Variants in DIPK1A observed in about 807,000 individuals in gnomAD.
DIPK1A encodes the protein divergent protein kinase domain 1A, also known as family with sequence similarity 69 member A.
In DIPK1A, 27 loss-of-function variants were observed where a neutral mutation model predicts 40.8. That is an observed-to-expected ratio of 0.66 (90% confidence interval 0.49 to 0.91). DIPK1A has a LOEUF of 0.91. Ranked by LOEUF, DIPK1A falls within the 40% of genes least tolerant of loss-of-function variation. The probability of loss-of-function intolerance (pLI) is 0.00; values close to 1 mark genes in which losing one functional copy is unlikely to be tolerated. For missense variants in DIPK1A, 412 were observed against 505.7 expected, an observed-to-expected ratio of 0.81 and a Z score of 1.78; for synonymous variants, 166 against 171.3, an observed-to-expected ratio of 0.97 and a Z score of 0.24.
At chr1:92,890,748 T>C (rs985120816) in intron 1 of DIPK1A, among the ~76,000 whole-genome samples, 5 of 152,208 alleles carry the variant, frequency 3.3e-5, no homozygotes, top group Admixed American at 3.3e-4. Flanking sequence ...TACATCTATG[T>C]TCATCAGGTA....
chr1:92,937,729 C>T (rs1270773155), intron 1 of DIPK1A, among the ~76,000 whole-genome samples: 3 of 152,074 alleles, frequency 2.0e-5, no homozygotes, highest in Non-Finnish European at 4.4e-5. Context: ...TAACTGACTG[C>T]AGATCTAGCA....
At chr1:92,939,637 C>T (rs1651075721) in intron 1 of DIPK1A, among the ~76,000 whole-genome samples, 1 of 152,076 alleles carries the variant, frequency 6.6e-6, no homozygotes, top group Non-Finnish European at 1.5e-5. Context: ...TCTCTGTCAA[C>T]TAAAAAATGA....
intron 1 of DIPK1A, among the ~76,000 whole-genome samples, chr1:92,959,913 T>TTTTTTTTTTTTTTTTTTTTTTTTTTA (rs1652002245): frequency 8.9e-6 from 1 of 111,880 alleles, no homozygotes; most frequent in Non-Finnish European, 1.9e-5. Flanking sequence ...CTTTTTTTTT[T>TTTTTTTTTTTTTTTTTTTTTTTTTTA]TTTTTTTTTT....
downstream of DIPK1A, among the ~76,000 whole-genome samples, chr1:92,841,506 T>A (rs1687361518): frequency 6.6e-6 from 1 of 152,184 alleles, no homozygotes. Context: ...GGCAAATACC[T>A]AGAAGTGGTA....
chr1:92,951,246 A>G (rs1000241099), intron 1 of DIPK1A, among the ~76,000 whole-genome samples: 1 of 152,222 alleles, frequency 6.6e-6, no homozygotes, highest in Non-Finnish European at 1.5e-5. Flanking sequence ...GACTCCACCC[A>G]TAGTTGCTGG....
At chr1:92,948,871 C>G (rs560658283) in intron 1 of DIPK1A, among the ~76,000 whole-genome samples, 2 of 150,624 alleles carry the variant, frequency 1.3e-5, no homozygotes, top group East Asian at 3.9e-4. Context: ...ATGGTGCGAT[C>G]TTGGCTCACT....
intron 1 of DIPK1A, among the ~76,000 whole-genome samples, chr1:92,922,658 A>G (rs1312612223): frequency 6.6e-6 from 1 of 152,124 alleles, no homozygotes; most frequent in Non-Finnish European, 1.5e-5. Flanking sequence ...CATAAATCCT[A>G]TTCTTAAGTT....
chr1:92,848,885 G>A (rs985684794), intron 3 of DIPK1A, among the ~76,000 whole-genome samples: 1 of 152,046 alleles, frequency 6.6e-6, no homozygotes, highest in Non-Finnish European at 1.5e-5. Context: ...ATTTATATAG[G>A]AAAATTTAGG....
intron 2 of DIPK1A, among the ~76,000 whole-genome samples, chr1:92,855,067 G>T (rs1228073745): frequency 6.7e-6 from 1 of 148,548 alleles, no homozygotes; most frequent in Non-Finnish European, 1.5e-5. Flanking sequence ...CAAAAGAAAA[G>T]AGAAAAAAAA....
At chr1:92,944,144 A>G (rs1201905462) in intron 1 of DIPK1A, among the ~76,000 whole-genome samples, 1 of 152,154 alleles carries the variant, frequency 6.6e-6, no homozygotes, top group Non-Finnish European at 1.5e-5. Context: ...CGATCTGGAA[A>G]ATAAAATTGA....
chr1:92,942,722 C>T (rs11586089), intron 1 of DIPK1A, among the ~76,000 whole-genome samples: 31,801 of 152,080 alleles, frequency 0.21, 3,842 homozygotes, highest in Non-Finnish European at 0.27. Flanking sequence ...TGCAGTGGCG[C>T]GATCTTGGCT....
intron 2 of DIPK1A, among the ~76,000 whole-genome samples, chr1:92,858,555 C>A (rs148594164): frequency 9.0e-4 from 137 of 152,170 alleles, no homozygotes; most frequent in African/African-American, 3.2e-3. Flanking sequence ...AAAGTGCATA[C>A]TTTTCTATAA....
chr1:92,922,563 C>T (rs567241226), intron 1 of DIPK1A, among the ~76,000 whole-genome samples: 45 of 152,220 alleles, frequency 3.0e-4, no homozygotes, highest in Admixed American at 2.3e-3. Flanking sequence ...TCAATCAATG[C>T]GGTTTGCTAA....
rs1418242304 is a variant in DIPK1A at position 92,846,837 on chromosome 1, ATATATGTGTG to A, written c.474+336_474+345del. On this transcript the variant is annotated intron_variant, in intron 4 of 4. Transcript: ENST00000370310. ...TATATATATATATATATATATATAT[ATATATGTGTG>A]TATATATATATGTGTGTATATATAT... 9.0e-3 allele frequency among the ~76,000 whole-genome samples: 61 copies of A among 6,756 alleles called. 5 individuals are homozygous for A. Among genetic ancestry groups the A allele is most frequent in the African/African-American group, 0.03 (22 of 732 alleles). The allele number at this position is 6,756 out of a possible 152,430, so 4.4% of individuals were successfully genotyped here. A position where few individuals can be genotyped will look rare whatever the true frequency, so the allele number is the denominator to read the frequency against.
chr1:92,833,358 A>G (rs1460732187), intron 4 of DIPK1A: 2 of 1,554,592 alleles, frequency 1.3e-6, no homozygotes, highest in South Asian at 1.1e-5. Flanking sequence ...CTAAGACATC[A>G]AAGTTTTAAT....
At chr1:92,863,528 T>C (rs1381406028) in intron 2 of DIPK1A, among the ~76,000 whole-genome samples, 1 of 124,252 alleles carries the variant, frequency 8.0e-6, no homozygotes, top group Admixed American at 9.6e-5. Context: ...AAGCTAAGAG[T>C]TCAAGACTAG....
intron 1 of DIPK1A, among the ~76,000 whole-genome samples, chr1:92,930,234 A>G (rs532958535): frequency 6.6e-6 from 1 of 152,282 alleles, no homozygotes; most frequent in South Asian, 2.1e-4. Context: ...ACACAGGTCA[A>G]TTGCAATTCT....
chr1:92,842,378 T>C lies in DIPK1A; in HGVS notation c.*1005A>G. The C allele has an allele frequency of 1.0e-6, 1 of 984,894 alleles. No homozygotes were observed. Among genetic ancestry groups the C allele is most frequent in the Non-Finnish European group, 1.2e-6 (1 of 829,402 alleles). 61.0% of individuals were successfully genotyped at this position (984,894 alleles called of 1,614,324 possible). A position where few individuals can be genotyped will look rare whatever the true frequency, so the allele number is the denominator to read the frequency against. On this transcript the variant is annotated 3_prime_UTR_variant, in exon 5 of 5. Coordinates refer to ENST00000370310, the MANE Select transcript of DIPK1A (RefSeq NM_001006605.5). The stretch of plus-strand genomic sequence containing the variant: ...CTTTTCTCCAAAAGGTGTTTAATTT[T>C]ATGGAGATGTTGAAAGGTACATGCC...
At chr1:92,868,732 G>A (rs760365919) in intron 2 of DIPK1A, among the ~76,000 whole-genome samples, 1 of 152,034 alleles carries the variant, frequency 6.6e-6, no homozygotes, top group Non-Finnish European at 1.5e-5. Flanking sequence ...TTTGAAGGCC[G>A]AGGCAGGTGG....
Sources: allele counts gnomAD v4.1 joint callset (sites outside exome capture counted in the v4.1 genomes callset), GRCh38; gene constraint gnomAD v4.1.1; transcripts MANE v1.5; gene names NCBI Gene and HGNC (gene_info 2026-07-23, HGNC 2026-07-21).